The following RELN variants were observed in gnomAD, a reference collection of about 807,000 sequenced individuals.
RELN encodes reelin.
Under a neutral mutation model 427.6 loss-of-function variants are expected in RELN, and 108 were observed. The observed-to-expected ratio is 0.25, with a 90% CI of 0.22 to 0.30. RELN has a LOEUF of 0.30. RELN is among the 10% of genes least tolerant of loss of function. The probability of loss-of-function intolerance (pLI) is 1.00; values close to 1 mark genes in which losing one functional copy is unlikely to be tolerated. For synonymous variants in RELN, 1,524 were observed against 1,513.4 expected, an observed-to-expected ratio of 1.01 and a Z score of -0.16; for missense variants, 3,715 against 4,302.8, an observed-to-expected ratio of 0.86 and a Z score of 3.82.
At chr7:103,667,343 G>C (rs749343897) in intron 11 of RELN, among the ~76,000 whole-genome samples, 1 of 152,184 alleles carries the variant, frequency 6.6e-6, no homozygotes, top group Non-Finnish European at 1.5e-5. Context: ...TTCTCTTTTA[G>C]AGTAGGTTCA....
At chr7:103,903,477 C>A (rs1051522919) in intron 2 of RELN, among the ~76,000 whole-genome samples, 1 of 152,074 alleles carries the variant, frequency 6.6e-6, no homozygotes, top group Non-Finnish European at 1.5e-5. Flanking sequence ...GAGCAAATGT[C>A]TGCTTTAATA....
At chr7:103,979,113 A>G (rs1450608725) in intron 1 of RELN, among the ~76,000 whole-genome samples, 2 of 152,226 alleles carry the variant, frequency 1.3e-5, no homozygotes, top group East Asian at 3.8e-4. Flanking sequence ...TAAGAACATG[A>G]GCCCACCTTC....
intron 1 of RELN, among the ~76,000 whole-genome samples, chr7:103,984,267 T>C (rs1314499164): frequency 6.6e-6 from 1 of 152,100 alleles, no homozygotes; most frequent in Non-Finnish European, 1.5e-5. Flanking sequence ...AAAATATCAC[T>C]CTTTTTAAAG....
At chr7:103,764,853 A>T (rs867404893) in intron 4 of RELN, among the ~76,000 whole-genome samples, 7 of 150,874 alleles carry the variant, frequency 4.6e-5, no homozygotes, top group African/African-American at 1.5e-4. Flanking sequence ...AAAAAAAAAA[A>T]AAGTGCAAAA....
intron 6 of RELN, among the ~76,000 whole-genome samples, chr7:103,737,160 C>G (rs1790515318): frequency 6.6e-6 from 1 of 152,070 alleles, no homozygotes; most frequent in Non-Finnish European, 1.5e-5. Flanking sequence ...GAGGTTCTGG[C>G]AAGGGTATGT....
chr7:103,524,545 G>C (rs1024608409), intron 46 of RELN, among the ~76,000 whole-genome samples: 7 of 146,536 alleles, frequency 4.8e-5, no homozygotes, highest in African/African-American at 1.7e-4. Flanking sequence ...AGCAATGCCT[G>C]AGGCTCAAGT....
intron 3 of RELN, among the ~76,000 whole-genome samples, chr7:103,808,251 G>A (rs539528710): frequency 6.6e-6 from 1 of 150,870 alleles, no homozygotes; most frequent in East Asian, 2.0e-4. Flanking sequence ...TCACACACTG[G>A]GGACTGTTGT....
At chr7:103,554,732 C>T (rs2535767) in intron 38 of RELN, among the ~76,000 whole-genome samples, 3,027 of 152,180 alleles carry the variant, frequency 0.02, 86 homozygotes, top group African/African-American at 0.068. Context: ...ATGAACCCTC[C>T]CCTGGCAAGA....
At chr7:103,539,019 G>A in intron 45 of RELN, 59 bp downstream of exon 45, 4 of 1,597,748 alleles carry the variant, frequency 2.5e-6, no homozygotes, top group Non-Finnish European at 3.4e-6. Context: ...TATGACAGAG[G>A]CAGCCACAGA....
At chr7:103,915,472 C>CAA (rs145775055) in intron 2 of RELN, among the ~76,000 whole-genome samples, 1 of 152,034 alleles carries the variant, frequency 6.6e-6, no homozygotes, top group East Asian at 1.9e-4. Flanking sequence ...GTGTTGATTT[C>CAA]AAAAAATGAT....
intron 28 of RELN, among the ~76,000 whole-genome samples, chr7:103,579,471 T>C (rs1052119023): frequency 6.6e-6 from 1 of 151,800 alleles, no homozygotes; most frequent in Non-Finnish European, 1.5e-5. Flanking sequence ...AATTGGCACA[T>C]GCTTGTAATT....
intron 57 of RELN, among the ~76,000 whole-genome samples, chr7:103,494,709 G>C (rs1039341888): frequency 2.0e-5 from 3 of 151,718 alleles, no homozygotes; most frequent in African/African-American, 7.3e-5. Flanking sequence ...GCCTTTCTCT[G>C]AGTGTCTATT....
intron 1 of RELN, among the ~76,000 whole-genome samples, chr7:103,980,106 C>T (rs1465687174): frequency 1.3e-5 from 2 of 149,790 alleles, no homozygotes; most frequent in Admixed American, 6.7e-5. Context: ...GTTTCGTTGA[C>T]GGAAGATCAT....
intron 16 of RELN, among the ~76,000 whole-genome samples, chr7:103,643,150 T>C (rs1418520742): frequency 6.6e-6 from 1 of 152,122 alleles, no homozygotes; most frequent in Non-Finnish European, 1.5e-5. Flanking sequence ...ATAACAGACC[T>C]GATTAAGACA....
At chr7:103,564,598 C>T (rs1426941698) in intron 34 of RELN, among the ~76,000 whole-genome samples, 1 of 152,124 alleles carries the variant, frequency 6.6e-6, no homozygotes, top group Non-Finnish European at 1.5e-5. Context: ...TCTCTCCCCT[C>T]CATTCTCCTG....
At chr7:103,829,773 C>T (rs39358) in intron 3 of RELN, among the ~76,000 whole-genome samples, 55,778 of 151,696 alleles carry the variant, frequency 0.37, 10,640 homozygotes, top group Non-Finnish European at 0.42. Context: ...TAATCTTCAC[C>T]GGGAAAGGCA....
At position 103,569,680 on chromosome 7, in the gene RELN, C is replaced by T. The variant is rs1249229205; in HGVS notation, c.4588+2504G>A. On this transcript the variant is annotated intron_variant, in intron 31 of 64. Coordinates refer to ENST00000428762, the MANE Select transcript of RELN (RefSeq NM_005045.4). The surrounding 1 kb of genome is among the most constrained non-coding windows in gnomAD (Gnocchi z 4.0). ...GTAACAAGGTCTGCAGAGATGAGGG[C>T]CCCAATTCCAAAGGACAAAGAAGGA... Among the ~76,000 whole-genome samples the T allele has an allele frequency of 1.3e-5, 2 of 152,098 alleles. No homozygotes were observed. Among genetic ancestry groups the T allele is most frequent in the Admixed American group, 6.6e-5 (1 of 15,256 alleles).
At chr7:103,935,324 T>C (rs570082915) in intron 1 of RELN, among the ~76,000 whole-genome samples, 1 of 152,360 alleles carries the variant, frequency 6.6e-6, no homozygotes, top group Non-Finnish European at 1.5e-5. Context: ...ACGTCACTAA[T>C]GACCTTCATG....
At chr7:103,651,957 C>G (rs944408003) in intron 14 of RELN, among the ~76,000 whole-genome samples, 168 bp from the exon 15 acceptor site, 5 of 152,046 alleles carry the variant, frequency 3.3e-5, no homozygotes, top group Non-Finnish European at 5.9e-5. Context: ...TAAAGTCTGA[C>G]CAGCTTTCAA....
Sources: gnomAD v4.1 joint callset for allele counts (sites outside exome capture counted in the v4.1 genomes callset) on GRCh38, gnomAD v4.1.1 for gene constraint, Gnocchi (gnomAD v3.1) non-coding constraint, MANE v1.5 for transcripts, NCBI Gene and HGNC (gene_info 2026-07-23, HGNC 2026-07-21) for gene names.